The following UHRF1 variants were observed in gnomAD, a reference collection of about 807,000 sequenced individuals.
UHRF1 encodes E3 ubiquitin-protein ligase UHRF1.
Under a neutral mutation model 96.5 loss-of-function variants are expected in UHRF1, and 9 were observed. That is an observed-to-expected ratio of 0.09 (90% CI 0.06 to 0.16). UHRF1 has a LOEUF of 0.16. UHRF1 is among the 10% of genes least tolerant of loss of function. The pLI is 1.00. For missense variants in UHRF1, 626 were observed against 1,131.1 expected, an observed-to-expected ratio of 0.55 and a Z score of 6.40; for synonymous variants, 455 against 469.9, an observed-to-expected ratio of 0.97 and a Z score of 0.41.
At chr19:4,938,888 C>T (rs917325482) in intron 5 of UHRF1, among the ~76,000 whole-genome samples, 12 of 150,448 alleles carry the variant, frequency 8.0e-5, no homozygotes, top group Admixed American at 1.3e-4. Flanking sequence ...GGACCATAGG[C>T]GTGCACCACC....
chr19:4,940,099 T>C (rs1355017581), intron 5 of UHRF1, among the ~76,000 whole-genome samples: 1 of 152,144 alleles, frequency 6.6e-6, no homozygotes, highest in Non-Finnish European at 1.5e-5. Context: ...TTAATAACTT[T>C]TTCATATTCA....
chr19:4,950,828 T>C, intron 12 of UHRF1, 31 bp from the exon 13 acceptor site: 2 of 1,613,960 alleles, frequency 1.2e-6, no homozygotes, highest in African/African-American at 1.3e-5. Context: ...CTGCCTCTGA[T>C]GGAGCTGACG....
At chr19:4,925,103 G>A (rs111800674) in intron 2 of UHRF1, among the ~76,000 whole-genome samples, 52 of 152,078 alleles carry the variant, frequency 3.4e-4, no homozygotes, top group African/African-American at 1.2e-3. Flanking sequence ...TTGAGATGAC[G>A]GGCGTGAGCC....
At position 4,929,282 on chromosome 19, in the gene UHRF1, C is replaced by G. The variant is rs2032971476; in HGVS notation, c.214C>G (p.Leu72Val). The G allele has an allele frequency of 6.2e-7, 1 of 1,613,854 alleles. No homozygotes were observed. ...EVRLNDTIQL[L>V]VRQSLVLPHS... ...CCGCCTGAATGACACCATCCAGCTC[C>G]TGGTCCGCCAGAGCCTCGTGCTCCC... Residue 72 changes from leucine to valine, a missense_variant, in exon 3 of 17, where the codon CTG (leucine) becomes GTG (valine). By Grantham distance (32) the Leu-to-Val change is conservative. Coordinates refer to ENST00000650932, the MANE Select transcript of UHRF1 (RefSeq NM_001048201.3).
At chr19:4,932,434 TC>T (rs1182518015) in intron 4 of UHRF1, among the ~76,000 whole-genome samples, 1 of 152,230 alleles carries the variant, frequency 6.6e-6, no homozygotes, top group Non-Finnish European at 1.5e-5. Flanking sequence ...TGTGATCTCA[TC>T]TTAATATGAT....
chr19:4,950,547 GTGT>G, intron 11 of UHRF1, 61 bp from the exon 12 acceptor site: 1 of 1,550,804 alleles, frequency 6.4e-7, no homozygotes, highest in Non-Finnish European at 8.7e-7. Flanking sequence ...CCCGGCTCCT[GTGT>G]TTCCTTTTTT....
chr19:4,941,107 T>C (rs1361484479), intron 5 of UHRF1, among the ~76,000 whole-genome samples: 1 of 125,800 alleles, frequency 7.9e-6, no homozygotes, highest in South Asian at 2.7e-4. Flanking sequence ...TTTTTTTTTT[T>C]TGAGACTGAG....
At chr19:4,951,072 C>T in intron 13 of UHRF1, 76 bp downstream of exon 13, 1 of 1,457,756 alleles carries the variant, frequency 6.9e-7, no homozygotes, top group South Asian at 1.4e-5. Context: ...TCAAGACCAG[C>T]CTGGCCAACA....
intron 5 of UHRF1, among the ~76,000 whole-genome samples, chr19:4,935,502 G>A (rs2033189582): frequency 1.3e-5 from 2 of 151,878 alleles, no homozygotes; most frequent in South Asian, 4.2e-4. Context: ...TCTTGTGGTG[G>A]CTGATATAAT....
Position 4,944,325 on chromosome 19 carries a change from T to C in UHRF1, c.1198-18T>C. The stretch of plus-strand genomic sequence containing the variant: ...CCAGGGCTCACGCTGTTGTTCTTTG[T>C]GTCTGTGCCTGGGACAGGGCATGGC... On this transcript the variant is annotated intron_variant, in intron 8 of 16. Coordinates refer to ENST00000650932, the MANE Select transcript of UHRF1 (RefSeq NM_001048201.3). 1.2e-6 allele frequency: 2 copies of C among 1,613,896 alleles called. No individual in the cohort carries two copies. The highest frequency in any genetic ancestry group is 1.1e-5 in the South Asian group (1 of 91,090).
At chr19:4,938,730 G>GGTTTTTTTTTTTTTTTTTTT (rs1568421924) in intron 5 of UHRF1, among the ~76,000 whole-genome samples, 2 of 61,566 alleles carry the variant, frequency 3.2e-5, no homozygotes, top group Non-Finnish European at 5.9e-5. Flanking sequence ...TTTTGGTCAG[G>GGTTTTTTTTTTTTTTTTTTT]TTTTTTTTTT....
chr19:4,951,879 T>C (rs2033727614), intron 13 of UHRF1, among the ~76,000 whole-genome samples: 1 of 152,164 alleles, frequency 6.6e-6, no homozygotes, highest in Non-Finnish European at 1.5e-5. Flanking sequence ...GGATGTGGTC[T>C]GTCCATTGCA....
intron 5 of UHRF1, among the ~76,000 whole-genome samples, chr19:4,940,978 TTA>T (rs911331354): frequency 2.4e-4 from 37 of 151,932 alleles, no homozygotes; most frequent in Admixed American, 2.0e-4. Flanking sequence ...CGGCCAACCT[TTA>T]TGAGTCTTGC....
intron 2 of UHRF1, among the ~76,000 whole-genome samples, chr19:4,917,848 C>G (rs913577245): frequency 2.6e-5 from 4 of 151,652 alleles, no homozygotes; most frequent in Non-Finnish European, 1.5e-5. Context: ...ATTGAAAAAA[C>G]TTTTTTGCAG....
intron 2 of UHRF1, among the ~76,000 whole-genome samples, chr19:4,912,271 T>TCCTC (rs980261717): frequency 3.9e-5 from 6 of 152,166 alleles, no homozygotes; most frequent in Admixed American, 2.0e-4. Context: ...GGCGCTCTCT[T>TCCTC]CCTCCCTCCT....
upstream of UHRF1, chr19:4,909,308 G>C (rs1346420777): frequency 1.8e-6 from 1 of 547,630 alleles, no homozygotes; most frequent in Non-Finnish European, 3.2e-6. Flanking sequence ...GGCGCGCCCA[G>C]CAGAGCGCGC....
rs755230459 is a variant in UHRF1 at position 4,944,112 on chromosome 19, T to C, written c.1074-20T>C. 1 of 1,612,926 alleles carries C rather than the reference T, an allele frequency of 6.2e-7. No individual in the cohort carries two copies. On this transcript the variant is annotated intron_variant, in intron 7 of 16. Coordinates refer to ENST00000650932, the MANE Select transcript of UHRF1 (RefSeq NM_001048201.3). ...CATCTGCCAGGCTAGGCGTGGGCAG[T>C]GACAATCCCGACCTCGCAGGTACTG... is the stretch of plus-strand genomic sequence containing the variant.
chr19:4,938,352 T>G (rs1168462483), intron 5 of UHRF1, among the ~76,000 whole-genome samples: 1 of 152,150 alleles, frequency 6.6e-6, no homozygotes, highest in African/African-American at 2.4e-5. Context: ...ATTTGTATTA[T>G]TTCCTTATTC....
At chr19:4,946,989 C>G (rs1599289792) in intron 10 of UHRF1, 116 bp from the exon 11 acceptor site, 1 of 786,024 alleles carries the variant, frequency 1.3e-6, no homozygotes, top group East Asian at 2.5e-5. Flanking sequence ...CTCACCAACG[C>G]TTGTTATTTT....
Sources: gnomAD v4.1 joint callset for allele counts (sites outside exome capture counted in the v4.1 genomes callset) on GRCh38, gnomAD v4.1.1 for gene constraint, MANE v1.5 for transcripts, NCBI Gene and HGNC (gene_info 2026-07-23, HGNC 2026-07-21) for gene names.